The following GABRG3 variants were observed in gnomAD, a reference collection of about 807,000 sequenced individuals.
The protein encoded by GABRG3 is gamma-aminobutyric acid receptor subunit gamma-3.
A neutral mutation model predicts 48.8 loss-of-function variants in GABRG3; 25 were observed. The ratio of observed to expected loss-of-function variants is 0.51; its 90% CI spans 0.37 to 0.72. GABRG3 has a LOEUF of 0.72. GABRG3 is among the 30% of genes least tolerant of loss of function. GABRG3 has a pLI of 0.00. For missense variants in GABRG3, 394 were observed against 577.9 expected (o/e 0.68, Z 3.26); for synonymous variants, 227 against 217.6 (o/e 1.04, Z -0.38).
In GABRG3 at chr15:27,534,312, A is replaced by G. The variant is rs1456932113; in HGVS notation, c.*1431A>G. The G allele has an allele frequency of 6.6e-6, 1 of 152,248 alleles. No individual in the cohort carries two copies. The highest frequency in any genetic ancestry group is 6.5e-5 in the Admixed American group (1 of 15,282). The allele number at this position is 152,248 out of a possible 1,614,324, so 9.4% of individuals were successfully genotyped here. ...ATATGGATACATAGCAAAATCCCAA[A>G]GAAAAAATATCCCCCCAAATCAATA... On this transcript the variant is annotated 3_prime_UTR_variant, in exon 10 of 10. Transcript: ENST00000615808.
At chr15:27,254,812 GCA>G in intron 3 of GABRG3, among the ~76,000 whole-genome samples, 1 of 152,230 alleles carries the variant, frequency 6.6e-6, no homozygotes. Flanking sequence ...TGGAAATAGA[GCA>G]CAGTTGGGTA....
At chr15:27,062,529 A>C (rs1407576987) in intron 3 of GABRG3, among the ~76,000 whole-genome samples, 1 of 151,420 alleles carries the variant, frequency 6.6e-6, no homozygotes, top group East Asian at 1.9e-4. Context: ...AATCGCTTGA[A>C]CCTGGGAGGC....
intron 3 of GABRG3, among the ~76,000 whole-genome samples, chr15:27,136,375 C>T (rs1477121766): frequency 3.3e-5 from 5 of 152,108 alleles, no homozygotes; most frequent in South Asian, 2.1e-4. Context: ...ATTTTTTTGA[C>T]TGCATGTTCT....
chr15:27,488,791 G>A (rs2150848197), intron 6 of GABRG3, among the ~76,000 whole-genome samples: 1 of 152,128 alleles, frequency 6.6e-6, no homozygotes, highest in South Asian at 2.1e-4. Context: ...TAGGAGTGAA[G>A]ATATTGTTTT....
chr15:27,135,730 C>T (rs747192943), intron 3 of GABRG3, among the ~76,000 whole-genome samples: 9 of 152,036 alleles, frequency 5.9e-5, no homozygotes, highest in Non-Finnish European at 8.8e-5. Context: ...TATGGTGAAA[C>T]CCCATCTCTA....
intron 5 of GABRG3, among the ~76,000 whole-genome samples, chr15:27,409,175 T>G (rs77049049): frequency 2.0e-5 from 3 of 152,156 alleles, no homozygotes; most frequent in Admixed American, 1.3e-4. Context: ...ACCTAAAAAT[T>G]CATTGTCTAG....
intron 3 of GABRG3, among the ~76,000 whole-genome samples, chr15:27,255,785 G>C (rs1956553329): frequency 6.6e-6 from 1 of 152,186 alleles, no homozygotes; most frequent in Non-Finnish European, 1.5e-5. Context: ...CTGGTAGCCA[G>C]GTCTGCTGCC....
chr15:27,005,598 G>A (rs920448446), intron 2 of GABRG3, among the ~76,000 whole-genome samples: 2 of 152,088 alleles, frequency 1.3e-5, no homozygotes, highest in Non-Finnish European at 2.9e-5. Context: ...CTCTAGCCAC[G>A]TTGCTGCAAA....
intron 3 of GABRG3, among the ~76,000 whole-genome samples, chr15:27,128,734 A>C (rs8024401): frequency 0.86 from 130,862 of 152,230 alleles, 56,927 homozygotes; most frequent in Non-Finnish European, 0.9. Flanking sequence ...GAAATGACTT[A>C]TTCGCAGAGC....
intron 3 of GABRG3, among the ~76,000 whole-genome samples, chr15:27,151,552 G>T (rs1170517833): frequency 6.6e-6 from 1 of 152,018 alleles, no homozygotes; most frequent in Non-Finnish European, 1.5e-5. Flanking sequence ...AGACTTTGAA[G>T]GTGTGATTTG....
chr15:27,121,250 G>T (rs889032639), intron 3 of GABRG3, among the ~76,000 whole-genome samples: 2 of 152,162 alleles, frequency 1.3e-5, no homozygotes, highest in African/African-American at 4.8e-5. Flanking sequence ...TGGAGTTTGT[G>T]TCTGGGGTCA....
At chr15:27,059,299 G>A (rs532029407) in intron 3 of GABRG3, among the ~76,000 whole-genome samples, 3 of 152,320 alleles carry the variant, frequency 2.0e-5, no homozygotes, top group Non-Finnish European at 4.4e-5. Flanking sequence ...GCTACAGGTG[G>A]TTTGGAAGCG....
chr15:27,524,963 T>C (rs1324520662), intron 7 of GABRG3, among the ~76,000 whole-genome samples: 2 of 152,060 alleles, frequency 1.3e-5, no homozygotes, highest in Non-Finnish European at 2.9e-5. Context: ...CTACAATGTG[T>C]CTCCAAGAAA....
intron 3 of GABRG3, among the ~76,000 whole-genome samples, chr15:27,051,558 G>A (rs989222472): frequency 6.6e-5 from 10 of 152,138 alleles, no homozygotes; most frequent in Non-Finnish European, 1.0e-4. Flanking sequence ...CTTTATAAAA[G>A]GGACCTCAGA....
chr15:26,979,821 C>A (rs907903317), intron 2 of GABRG3, among the ~76,000 whole-genome samples: 9 of 152,096 alleles, frequency 5.9e-5, no homozygotes, highest in Admixed American at 4.6e-4. Flanking sequence ...GTTTAAGGGA[C>A]TATTTTTTTG....
At chr15:27,243,327 A>G (rs918651836) in intron 3 of GABRG3, among the ~76,000 whole-genome samples, 2 of 152,198 alleles carry the variant, frequency 1.3e-5, no homozygotes, top group African/African-American at 4.8e-5. Context: ...TTGATTGGGA[A>G]CTTGCTGTAT....
intron 5 of GABRG3, among the ~76,000 whole-genome samples, chr15:27,413,608 C>T (rs966279535): frequency 8.6e-5 from 13 of 151,968 alleles, no homozygotes; most frequent in African/African-American, 3.1e-4. Flanking sequence ...TTAATTGGGC[C>T]CTTTTTTTTA....
intron 3 of GABRG3, among the ~76,000 whole-genome samples, chr15:27,127,834 A>G (rs1595539710): frequency 6.6e-6 from 1 of 152,222 alleles, no homozygotes; most frequent in Non-Finnish European, 1.5e-5. Context: ...GCAGATTTGG[A>G]CAGCACACAG....
chr15:27,409,146 G>A (rs12591360), intron 5 of GABRG3, among the ~76,000 whole-genome samples: 16,569 of 151,648 alleles, frequency 0.11, 964 homozygotes, highest in Middle Eastern at 0.22. Context: ...TCTTTAATGG[G>A]TCTTGCTTCT....
Sources: allele counts gnomAD v4.1 joint callset (sites outside exome capture counted in the v4.1 genomes callset), GRCh38; gene constraint gnomAD v4.1.1; transcripts MANE v1.5; gene names NCBI Gene and HGNC (gene_info 2026-07-23, HGNC 2026-07-21).